Variants in CHD6 observed in about 807,000 individuals in gnomAD.
CHD6 encodes the protein chromodomain helicase DNA binding protein 6.
CHD6 carries 50 observed loss-of-function variants against 276.9 expected under a neutral mutation model. The ratio of observed to expected loss-of-function variants is 0.18; its 90% confidence interval spans 0.14 to 0.23. The LOEUF is 0.23. CHD6 is among the 10% of genes least tolerant of loss of function. The pLI is 1.00. For synonymous variants in CHD6, 1,173 were observed against 1,229.3 expected (o/e 0.95, Z 0.96); for missense variants, 2,564 against 3,365.8 (o/e 0.76, Z 5.89).
chr20:41,607,766 G>GGA (rs1555812723), intron 1 of CHD6, among the ~76,000 whole-genome samples: 7 of 118,298 alleles, frequency 5.9e-5, no homozygotes, highest in African/African-American at 2.1e-4. Context: ...CATTCCACAG[G>GGA]AAAAAAAAAA....
In CHD6 at chr20:41,489,783, C is replaced by G. The variant is rs759159347; in HGVS notation, c.1675G>C (p.Ala559Pro). ...TGATCTCACGTGAGGCTCACCTGGGCGTCTCTGTACACCATTTCATACTGC... is the reference window on the plus strand; with the variant it reads ...TGATCTCACGTGAGGCTCACCTGGGGGTCTCTGTACACCATTTCATACTGC... The part of the protein sequence containing the change: ...IQQYEMVYRD[A>P]QGNPLSGVFK... Residue 559 changes from alanine to proline, a missense_variant, in exon 12 of 37, where the codon GCC becomes CCC. By Grantham distance (27) the Ala-to-Pro change is conservative. This residue lies in a region of CHD6 where 457 missense variants were observed against 889.0 expected (regional missense o/e 0.51). Coordinates refer to ENST00000373233, the MANE Select transcript of CHD6 (RefSeq NM_032221.5). 1 of 1,613,914 alleles carries G rather than the reference C, an allele frequency of 6.2e-7. No individual in the cohort carries two copies. The highest frequency in any genetic ancestry group is 1.1e-5 in the South Asian group (1 of 91,052).
In CHD6 at chr20:41,555,812, C is replaced by T. The variant is rs866493867; in HGVS notation, c.-23-4452G>A. Among the ~76,000 whole-genome samples the T allele has an allele frequency of 1.1e-3, 169 of 151,458 alleles. 1 individual carries two copies. In the Middle Eastern group the frequency reaches 0.017, roughly 15 times the overall value. ...GGCTCCTCACGTCCCAGACGATGGGCGGCCAGGCAGAGACGCTCCTCACTT... is the reference window on the plus strand; with the variant it reads ...GGCTCCTCACGTCCCAGACGATGGGTGGCCAGGCAGAGACGCTCCTCACTT... On this transcript the variant is annotated intron_variant, in intron 1 of 36. Coordinates refer to ENST00000373233, the MANE Select transcript of CHD6 (RefSeq NM_032221.5).
intron 16 of CHD6, among the ~76,000 whole-genome samples, chr20:41,474,480 G>A (rs1354018786): frequency 6.6e-6 from 1 of 152,092 alleles, no homozygotes; most frequent in Non-Finnish European, 1.5e-5. Context: ...AATTAACAAG[G>A]GGGATGTTAC....
chr20:41,424,301 A>G (rs1298883985), intron 29 of CHD6, among the ~76,000 whole-genome samples: 2 of 152,180 alleles, frequency 1.3e-5, no homozygotes, highest in African/African-American at 2.4e-5. Flanking sequence ...TAGTCTTTAT[A>G]TCCTATACGA....
At chr20:41,510,768 T>C (rs954390190) in intron 5 of CHD6, among the ~76,000 whole-genome samples, 1 of 152,222 alleles carries the variant, frequency 6.6e-6, no homozygotes, top group African/African-American at 2.4e-5. Context: ...AATAAAATCC[T>C]GTATAGTGTT....
chr20:41,586,057 C>T (rs1483411573), intron 1 of CHD6, among the ~76,000 whole-genome samples: 1 of 152,148 alleles, frequency 6.6e-6, no homozygotes, highest in African/African-American at 2.4e-5. Context: ...AATCATATAT[C>T]GCCTGAGAGC....
chr20:41,483,265 G>T, intron 16 of CHD6, 44 bp downstream of exon 16: 2 of 1,503,422 alleles, frequency 1.3e-6, no homozygotes, highest in South Asian at 2.6e-5. Context: ...CAAAGGAAAG[G>T]AACTGTCCCA....
At chr20:41,567,056 T>G (rs193076393) in intron 1 of CHD6, among the ~76,000 whole-genome samples, 1 of 152,182 alleles carries the variant, frequency 6.6e-6, no homozygotes, top group Non-Finnish European at 1.5e-5. Flanking sequence ...CTGCTGGGCT[T>G]GCACTATGGC....
intron 1 of CHD6, among the ~76,000 whole-genome samples, chr20:41,609,317 G>A (rs1193575193): frequency 6.6e-6 from 1 of 152,214 alleles, no homozygotes. Context: ...CAGAGATCTA[G>A]AACTTGACAT....
Position 41,447,575 on chromosome 20 carries a change from C to T in CHD6, c.3773+307G>A, listed in dbSNP as rs369640694. On this transcript the variant is annotated intron_variant, in intron 24 of 36. Transcript: ENST00000373233. ...AGTCTATACATGTCAGATCAGTAAC[C>T]GACACTCGTTCTACAGTAAATGACT... Among the ~76,000 whole-genome samples the T allele has an allele frequency of 3.9e-4, 60 of 152,182 alleles. 1 individual carries two copies. The highest frequency in any genetic ancestry group is 1.3e-3 in the African/African-American group (53 of 41,504).
chr20:41,565,310 G>T (rs1389489311), intron 1 of CHD6, among the ~76,000 whole-genome samples: 1 of 152,106 alleles, frequency 6.6e-6, no homozygotes, highest in African/African-American at 2.4e-5. Context: ...TGGCCAGGCT[G>T]CTCTTGAACT....
chr20:41,412,002 C>T, intron 36 of CHD6, 142 bp downstream of exon 36: 1 of 1,215,498 alleles, frequency 8.2e-7, no homozygotes, highest in Non-Finnish European at 1.1e-6. Context: ...TGCTAATCAA[C>T]TTCCTGTGCT....
At chr20:41,490,432 T>C (rs965021995) in intron 11 of CHD6, among the ~76,000 whole-genome samples, 5 of 152,296 alleles carry the variant, frequency 3.3e-5, no homozygotes, top group African/African-American at 1.2e-4. Flanking sequence ...CCGTAGGCAA[T>C]TGTAACACCA....
chr20:41,493,769 A>G, intron 9 of CHD6, 89 bp downstream of exon 9: 1 of 1,555,328 alleles, frequency 6.4e-7, no homozygotes, highest in South Asian at 1.1e-5. Context: ...GTGACTAGAC[A>G]GGAATACCAC....
rs948256098 is a variant in CHD6, at chr20:41,404,902, G to A, written c.7839C>T (p.Leu2613=). ...TGAGTCCAGGAGATACTCCTGGGAT[G>A]AGAAATGGGTTAAAAGCCACAGGAC... The part of the protein sequence containing the change: ...TSSPVAFNPF[L]IPGVSPGLIY... Residue 2613 remains leucine, a synonymous_variant, in exon 37 of 37, where the codon CTC becomes CTT. Coordinates refer to ENST00000373233, the MANE Select transcript of CHD6 (RefSeq NM_032221.5). 7 of 1,614,100 alleles carry A rather than the reference G, an allele frequency of 4.3e-6. No homozygotes were observed. The South Asian group carries it at 7.7e-5, about 18-fold the overall frequency.
At chr20:41,442,084 G>A (rs985070631) in intron 25 of CHD6, among the ~76,000 whole-genome samples, 2 of 152,084 alleles carry the variant, frequency 1.3e-5, no homozygotes, top group Non-Finnish European at 2.9e-5. Context: ...CTTGGAGATC[G>A]ATCTATGGCT....
In CHD6 at chr20:41,404,093, T is replaced by C. The variant is rs923761086; in HGVS notation, c.*500A>G. The C allele has an allele frequency of 9.5e-7, 1 of 1,051,414 alleles. No individual in the cohort carries two copies. Among genetic ancestry groups the C allele is most frequent in the African/African-American group, 1.7e-5 (1 of 60,352 alleles). The allele number at this position is 1,051,414 out of a possible 1,614,324, so 65.1% of individuals were successfully genotyped here. A position where few individuals can be genotyped will look rare whatever the true frequency, so the allele number is the denominator to read the frequency against. ...TATACTACTCACTTAGTAATCATGA[T>C]AAAATAGGGAAATATTTTAACTCAA... On this transcript the variant is annotated 3_prime_UTR_variant, in exon 37 of 37. Transcript: ENST00000373233.
In CHD6 at chr20:41,499,055, G is replaced by A. The variant is rs145706013; in HGVS notation, c.915+240C>T. Among the ~76,000 whole-genome samples, 960 of 152,042 alleles carry A rather than the reference G, an allele frequency of 6.3e-3. 11 individuals are homozygous for A. The highest frequency in any genetic ancestry group is 0.024 in the Middle Eastern group (7 of 294). The stretch of plus-strand genomic sequence containing the variant: ...GGCTACAGCAACTAAGGGATATATG[G>A]CTTTTGCTAGGATCACAATGGAGGA... On this transcript the variant is annotated intron_variant, in intron 6 of 36. Transcript: ENST00000373233.
intron 1 of CHD6, among the ~76,000 whole-genome samples, chr20:41,567,693 T>A (rs2045372793): frequency 6.6e-6 from 1 of 152,016 alleles, no homozygotes; most frequent in Admixed American, 6.6e-5. Context: ...CATGTGAAAC[T>A]CTTAACGTGC....
Sources: allele counts gnomAD v4.1 joint callset (sites outside exome capture counted in the v4.1 genomes callset), GRCh38; gene constraint gnomAD v4.1.1; regional missense constraint gnomAD v4.1.1; transcripts MANE v1.5; gene names NCBI Gene and HGNC (gene_info 2026-07-23, HGNC 2026-07-21).